Variants in SLIT3 observed in about 807,000 individuals in gnomAD.
The protein encoded by SLIT3 is slit guidance ligand 3.
SLIT3 carries 68 observed loss-of-function variants against 184.0 expected under a neutral mutation model. The observed-to-expected ratio is 0.37, with a 90% CI of 0.30 to 0.45. The LOEUF (loss-of-function observed/expected upper bound fraction) is 0.45. SLIT3 is among the 20% of genes least tolerant of loss of function. SLIT3 has a pLI of 1.00. For synonymous variants in SLIT3, 831 were observed against 828.6 expected (o/e 1.00, Z -0.05); for missense variants, 1,707 against 2,026.0 (o/e 0.84, Z 3.02).
chr5:169,165,619 T>C (rs1762613521), intron 4 of SLIT3, among the ~76,000 whole-genome samples: 1 of 152,154 alleles, frequency 6.6e-6, no homozygotes, highest in Non-Finnish European at 1.5e-5. Context: ...TATGGCTCCT[T>C]CCCTCACCTT....
At chr5:168,679,246 T>TG (rs1451588027) in intron 32 of SLIT3, among the ~76,000 whole-genome samples, 2 of 152,044 alleles carry the variant, frequency 1.3e-5, no homozygotes, top group African/African-American at 4.8e-5. Context: ...TTTGCATAGA[T>TG]GGAGTCTGAA....
intron 9 of SLIT3, among the ~76,000 whole-genome samples, chr5:168,801,133 CTCTG>C (rs890080556): frequency 4.0e-5 from 6 of 151,874 alleles, no homozygotes; most frequent in Non-Finnish European, 5.9e-5. Flanking sequence ...TTCCCAGTCA[CTCTG>C]TCTGATCAGC....
chr5:168,931,609 C>T (rs533088250), intron 4 of SLIT3, among the ~76,000 whole-genome samples: 4 of 152,272 alleles, frequency 2.6e-5, no homozygotes, highest in South Asian at 2.1e-4. Context: ...ACTGAGTATA[C>T]GATGAGGGGA....
At chr5:169,039,945 T>G (rs886714875) in intron 4 of SLIT3, among the ~76,000 whole-genome samples, 2 of 152,230 alleles carry the variant, frequency 1.3e-5, no homozygotes, top group Admixed American at 1.3e-4. Flanking sequence ...TGATTCACAT[T>G]GTTGAGTCAG....
rs566804194 is a variant in SLIT3 at position 169,141,263 on chromosome 5, A to G, written c.413+52216T>C. On this transcript the variant is annotated intron_variant, in intron 4 of 35. Transcript: ENST00000519560. ...TACTGACTACGACATCACCCCACAA[A>G]TAAACAAAAACAAAAGGAAACTTAA... Among the ~76,000 whole-genome samples the G allele has an allele frequency of 4.3e-4, 66 of 152,272 alleles. 1 individual carries two copies. In the South Asian group the frequency reaches 0.013, roughly 29 times the overall value.
chr5:169,101,005 G>T (rs2113229733), intron 4 of SLIT3, among the ~76,000 whole-genome samples: 1 of 152,236 alleles, frequency 6.6e-6, no homozygotes, highest in Admixed American at 6.5e-5. Flanking sequence ...TCCTCCTTGG[G>T]CTCATCCTGC....
chr5:169,271,662 T>C (rs1048062237), intron 1 of SLIT3, among the ~76,000 whole-genome samples: 11 of 152,074 alleles, frequency 7.2e-5, no homozygotes, highest in African/African-American at 2.7e-4. Context: ...CCTATATATA[T>C]AGACAGAGAT....
chr5:169,248,014 G>T (rs553229855), intron 2 of SLIT3, among the ~76,000 whole-genome samples: 3 of 152,140 alleles, frequency 2.0e-5, no homozygotes, highest in Admixed American at 2.0e-4. Context: ...GGTGGAGGAA[G>T]AGTGTGGTTG....
intron 1 of SLIT3, among the ~76,000 whole-genome samples, chr5:169,257,007 CAG>C (rs1366399429): frequency 6.6e-6 from 1 of 151,290 alleles, no homozygotes; most frequent in African/African-American, 2.4e-5. Flanking sequence ...GTGCTCAAGA[CAG>C]AGGGAAAAAG....
chr5:168,894,819 T>C (rs562519078), intron 4 of SLIT3, among the ~76,000 whole-genome samples: 2 of 152,338 alleles, frequency 1.3e-5, no homozygotes, highest in South Asian at 4.1e-4. Flanking sequence ...TCCTCCTTTC[T>C]GAATTCTGGC....
At chr5:168,961,000 C>T (rs1255969068) in intron 4 of SLIT3, among the ~76,000 whole-genome samples, 1 of 152,164 alleles carries the variant, frequency 6.6e-6, no homozygotes, top group East Asian at 1.9e-4. Flanking sequence ...ATCTAACCAG[C>T]CATTGACCTT....
chr5:168,871,551 A>T (rs1209463002), intron 5 of SLIT3, among the ~76,000 whole-genome samples: 1 of 152,142 alleles, frequency 6.6e-6, no homozygotes, highest in African/African-American at 2.4e-5. Context: ...GGAAGAGGTC[A>T]GCCCCACTCA....
At chr5:168,718,642 G>A (rs1005045761) in intron 23 of SLIT3, among the ~76,000 whole-genome samples, 2 of 145,114 alleles carry the variant, frequency 1.4e-5, no homozygotes, top group Non-Finnish European at 3.0e-5. Context: ...CCACCCTCCT[G>A]TTGTGCTCTC....
chr5:168,705,650 T>C (rs1451681586), intron 26 of SLIT3, among the ~76,000 whole-genome samples: 4 of 152,308 alleles, frequency 2.6e-5, no homozygotes, highest in Non-Finnish European at 2.9e-5. Flanking sequence ...TCTTCTAAAA[T>C]TGACATGATG....
chr5:169,289,439 T>C (rs577647802), intron 1 of SLIT3, among the ~76,000 whole-genome samples: 1 of 152,370 alleles, frequency 6.6e-6, no homozygotes, highest in South Asian at 2.1e-4. Flanking sequence ...ATCTGTCCTA[T>C]TTGGGATACA....
chr5:168,952,561 C>A (rs985794323), intron 4 of SLIT3, among the ~76,000 whole-genome samples: 272 of 78,526 alleles, frequency 3.5e-3, no homozygotes, highest in African/African-American at 8.6e-3. Context: ...GGGGAGAAGG[C>A]AAAGGGATTT....
rs1379568569 is a variant in SLIT3 at position 169,198,973 on chromosome 5, CACAT to C, written c.342-5427_342-5424del. ...AACTATACACACACACACACACACACACATATGTGTGTATATTTATATATATATA... is the reference window on the plus strand; with the variant it reads ...AACTATACACACACACACACACACACATGTGTGTATATTTATATATATATA... On this transcript the variant is annotated intron_variant, in intron 3 of 35. Coordinates refer to ENST00000519560, the MANE Select transcript of SLIT3 (RefSeq NM_003062.4). Among the ~76,000 whole-genome samples the C allele has an allele frequency of 5.6e-4, 83 of 147,826 alleles. No homozygotes were observed. In the Middle Eastern group the frequency reaches 0.014, roughly 25 times the overall value.
chr5:168,700,914 C>A (rs1314732886), intron 26 of SLIT3, among the ~76,000 whole-genome samples: 2 of 152,218 alleles, frequency 1.3e-5, no homozygotes, highest in Non-Finnish European at 2.9e-5. Flanking sequence ...CAGGTTCCAG[C>A]CTCACTACTT....
chr5:168,831,000 C>G (rs1729653452), intron 6 of SLIT3, among the ~76,000 whole-genome samples: 1 of 151,836 alleles, frequency 6.6e-6, no homozygotes, highest in Non-Finnish European at 1.5e-5. Flanking sequence ...AGACAGCCCT[C>G]CTCCTGTCCA....
Sources: allele counts gnomAD v4.1 joint callset (sites outside exome capture counted in the v4.1 genomes callset), GRCh38; gene constraint gnomAD v4.1.1; transcripts MANE v1.5; gene names NCBI Gene and HGNC (gene_info 2026-07-23, HGNC 2026-07-21).